Variants in IRF4 observed in about 807,000 individuals in gnomAD.
IRF4 encodes the protein interferon regulatory factor 4.
IRF4 carries 13 observed loss-of-function variants against 55.5 expected under a neutral mutation model. That is an observed-to-expected ratio of 0.23 (90% CI 0.15 to 0.37). The LOEUF (loss-of-function observed/expected upper bound fraction) is 0.37. IRF4 is among the 10% of genes least tolerant of loss of function. The probability of loss-of-function intolerance (pLI) is 1.00; values close to 1 mark genes in which losing one functional copy is unlikely to be tolerated. For synonymous variants in IRF4, 249 were observed against 240.7 expected, an observed-to-expected ratio of 1.03 and a Z score of -0.32; for missense variants, 397 against 593.8, an observed-to-expected ratio of 0.67 and a Z score of 3.44.
chr6:406,759 A>C, intron 8 of IRF4: 4 of 1,177,076 alleles, frequency 3.4e-6, no homozygotes, highest in Non-Finnish European at 4.4e-6. Context: ...AATTTAATTC[A>C]TTTCAGGTAC....
chr6:407,277 T>C (rs1373630668), intron 8 of IRF4, among the ~76,000 whole-genome samples, 178 bp from the exon 9 acceptor site: 1 of 152,224 alleles, frequency 6.6e-6, no homozygotes, highest in East Asian at 1.9e-4. Context: ...TGTTGATCTA[T>C]GGAAGGACTA....
chr6:407,629 C>CCTT lies in IRF4; in HGVS notation c.*31_*32insCTT. 3 of 1,284,762 alleles carry CCTT rather than the reference C, an allele frequency of 2.3e-6. No homozygotes were observed. Among genetic ancestry groups the CCTT allele is most frequent in the Admixed American group, 2.6e-5 (1 of 38,060 alleles). 79.6% of individuals were successfully genotyped at this position (1,284,762 alleles called of 1,614,324 possible). A position where few individuals can be genotyped will look rare whatever the true frequency, so the allele number is the denominator to read the frequency against. On this transcript the variant is annotated 3_prime_UTR_variant, in exon 9 of 9. Coordinates refer to ENST00000380956, the MANE Select transcript of IRF4 (RefSeq NM_002460.4). ...GTCAAGATGAGTGGTTTTCTTTTTC[C>CCTT]TTTTTTTTTTTTTTTTTTTGATACG... is the stretch of plus-strand genomic sequence containing the variant.
At chr6:401,392 C>T (rs564409022) in intron 6 of IRF4, 32 bp from the exon 7 acceptor site, 2 of 1,565,374 alleles carry the variant, frequency 1.3e-6, no homozygotes, top group South Asian at 1.1e-5. Context: ...TCCTTGGCCC[C>T]CAGCACTGAC....
rs915381521 is a variant in IRF4 at position 401,344 on chromosome 6, G to A, written c.746-80G>A. ...GTGGGACACTAGAGTTCCACCACAG[G>A]TGCTTGGCTCTGTGGAGTCGTTGGC... On this transcript the variant is annotated intron_variant, in intron 6 of 8. Coordinates refer to ENST00000380956, the MANE Select transcript of IRF4 (RefSeq NM_002460.4). The A allele has an allele frequency of 1.3e-5, 14 of 1,057,826 alleles. No individual in the cohort carries two copies. The African/African-American group carries it at 2.2e-4, about 17-fold the overall frequency. 65.5% of individuals were successfully genotyped at this position (1,057,826 alleles called of 1,614,324 possible). A position where few individuals can be genotyped will look rare whatever the true frequency, so the allele number is the denominator to read the frequency against.
intron 2 of IRF4, among the ~76,000 whole-genome samples, chr6:394,216 T>C (rs1383354244): frequency 6.6e-6 from 1 of 152,148 alleles, no homozygotes; most frequent in Non-Finnish European, 1.5e-5. Context: ...ACCACAGCTG[T>C]CCTTAGTCCT....
At chr6:405,756 T>C (rs186194174) in intron 8 of IRF4, among the ~76,000 whole-genome samples, 20 of 152,328 alleles carry the variant, frequency 1.3e-4, no homozygotes, top group Non-Finnish European at 2.6e-4. Context: ...CAAGTAACAC[T>C]AAAAGGGTAG....
In IRF4 at chr6:410,626, C is replaced by T. The variant is rs751054240; in HGVS notation, c.*3028C>T. On this transcript the variant is annotated 3_prime_UTR_variant, in exon 9 of 9. Coordinates refer to ENST00000380956, the MANE Select transcript of IRF4 (RefSeq NM_002460.4). The stretch of plus-strand genomic sequence containing the variant: ...AACAACTCTGGGAGTCTTGGGTACT[C>T]GCACCTCTTGGCTTTGTTGATGCTC... The T allele has an allele frequency of 6.5e-4, 150 of 231,004 alleles. No individual in the cohort carries two copies. The highest frequency in any genetic ancestry group is 1.3e-3 in the Middle Eastern group (1 of 798). 14.3% of individuals were successfully genotyped at this position (231,004 alleles called of 1,614,324 possible).
chr6:400,271 T>C (rs1761363765), intron 6 of IRF4, among the ~76,000 whole-genome samples: 1 of 152,202 alleles, frequency 6.6e-6, no homozygotes, highest in African/African-American at 2.4e-5. Context: ...GTGATTCCCA[T>C]TGATTTTGGG....
chr6:397,547 A>G (rs1180850592), intron 5 of IRF4: 3 of 328,196 alleles, frequency 9.1e-6, no homozygotes, highest in Non-Finnish European at 1.7e-5. Context: ...TAGAGAGGAG[A>G]TTGTGGAAGC....
intron 4 of IRF4, among the ~76,000 whole-genome samples, chr6:396,477 G>A (rs1761261629): frequency 6.6e-6 from 1 of 152,256 alleles, no homozygotes; most frequent in Admixed American, 6.5e-5. Flanking sequence ...ATGATAAAAT[G>A]CTTCGGCTGT....
Position 393,018 on chromosome 6 carries a change from T to C in IRF4, c.-55-80T>C. 1 of 788,322 alleles carries C rather than the reference T, an allele frequency of 1.3e-6. No individual in the cohort carries two copies. 48.8% of individuals were successfully genotyped at this position (788,322 alleles called of 1,614,324 possible). Reference sequence around the variant, plus strand: ...CAGCCTCAAAGACTCCGGGGCCTCGTGGTCACTGGCGCAGGGGATCGGGGC... The same window carrying C: ...CAGCCTCAAAGACTCCGGGGCCTCGCGGTCACTGGCGCAGGGGATCGGGGC... On this transcript the variant is annotated intron_variant, in intron 1 of 8. Coordinates refer to ENST00000380956, the MANE Select transcript of IRF4 (RefSeq NM_002460.4). This position sits in a 1 kb window ranked among gnomAD's most constrained non-coding sequence, Gnocchi z 5.4.
At position 410,407 on chromosome 6, in the gene IRF4, C is replaced by T. The variant is rs912239359; in HGVS notation, c.*2809C>T. On this transcript the variant is annotated 3_prime_UTR_variant, in exon 9 of 9. Coordinates refer to ENST00000380956, the MANE Select transcript of IRF4 (RefSeq NM_002460.4). ...CCTGAGCGAAAACAGGAGAGTTAGTCGCCCTACAGAAAACCCAGCTAGACT... is the reference window on the plus strand; with the variant it reads ...CCTGAGCGAAAACAGGAGAGTTAGTTGCCCTACAGAAAACCCAGCTAGACT... 3.4e-4 allele frequency: 79 copies of T among 229,596 alleles called. 1 individual carries two copies. The highest frequency in any genetic ancestry group is 1.7e-3 in the African/African-American group (77 of 45,242). The allele number at this position is 229,596 out of a possible 1,614,324, so 14.2% of individuals were successfully genotyped here.
At chr6:394,028 G>A (rs776073209) in intron 2 of IRF4, among the ~76,000 whole-genome samples, 1 of 152,168 alleles carries the variant, frequency 6.6e-6, no homozygotes, top group Non-Finnish European at 1.5e-5. Flanking sequence ...CACGTGTGTC[G>A]TTGTTACGAT....
Position 395,872 on chromosome 6 carries a change from C to T in IRF4, c.429C>T (p.Asp143=). The change falls in exon 4 of 9, where the codon GAC becomes GAT. Residue 143 remains aspartate (D), a synonymous_variant. Coordinates refer to ENST00000380956, the MANE Select transcript of IRF4 (RefSeq NM_002460.4). ...KKGAKQLTLE[D]PQMSMSHPYT... ...GAGCCAAGCAGCTCACCCTGGAGGA[C>T]CCGCAGATGTCCATGAGCCACCCCT... 1 of 1,613,856 alleles carries T rather than the reference C, an allele frequency of 6.2e-7. No individual in the cohort carries two copies. Among genetic ancestry groups the T allele is most frequent in the Non-Finnish European group, 8.5e-7 (1 of 1,179,866 alleles).
At position 393,439 on chromosome 6, in the gene IRF4, C is replaced by T; in HGVS notation, c.216+71C>T. 4 of 1,157,590 alleles carry T rather than the reference C, an allele frequency of 3.5e-6. No homozygotes were observed. The allele number at this position is 1,157,590 out of a possible 1,614,324, so 71.7% of individuals were successfully genotyped here. ...GAGACAGAGCCCGGGGTCCCCGGCG[C>T]CGCCTCCGAGGCGAGCCCAGGGGAC... is the stretch of plus-strand genomic sequence containing the variant. On this transcript the variant is annotated intron_variant, in intron 2 of 8. Coordinates refer to ENST00000380956, the MANE Select transcript of IRF4 (RefSeq NM_002460.4). The surrounding 1 kb of genome is among the most constrained non-coding windows in gnomAD (Gnocchi z 5.4).
Position 401,782 on chromosome 6 carries a change from G to A in IRF4, c.1099+5G>A, listed in dbSNP as rs1387268867. 1 of 1,613,242 alleles carries A rather than the reference G, an allele frequency of 6.2e-7. No homozygotes were observed. The highest frequency in any genetic ancestry group is 1.3e-5 in the African/African-American group (1 of 74,916). ...ACACACAGCAGTTCTTGTCAGGTAAGGCACCTCGTTATCTGTTAGAATGGA... is the reference window on the plus strand; with the variant it reads ...ACACACAGCAGTTCTTGTCAGGTAAAGCACCTCGTTATCTGTTAGAATGGA... On this transcript the variant is annotated splice_donor_5th_base_variant and intron_variant, in intron 7 of 8. Coordinates refer to ENST00000380956, the MANE Select transcript of IRF4 (RefSeq NM_002460.4).
rs753781892 is a variant in IRF4 at position 393,284 on chromosome 6, CGAG to C, written c.136_138del (p.Glu46del). On this transcript the variant is annotated inframe_deletion, in exon 2 of 9. Transcript: ENST00000380956. This position sits in a 1 kb window ranked among gnomAD's most constrained non-coding sequence, Gnocchi z 5.4. ...AGTACCCCGGGCTGGTGTGGGAGAA[CGAG>C]GAGAAGAGCATCTTCCGCATCCCCT... 3.1e-6 allele frequency: 5 copies of C among 1,606,040 alleles called. No homozygotes were observed. The highest frequency in any genetic ancestry group is 1.1e-5 in the South Asian group (1 of 89,148).
chr6:395,376 A>G lies in IRF4; in HGVS notation c.403+369A>G, dbSNP rs142119558. Among the ~76,000 whole-genome samples the G allele has an allele frequency of 4.2e-3, 636 of 152,340 alleles. 4 individuals carry two copies. Among genetic ancestry groups the G allele is most frequent in the African/African-American group, 0.015 (607 of 41,580 alleles). On this transcript the variant is annotated intron_variant, in intron 3 of 8. Transcript: ENST00000380956. ...ACTATTTTGCAGAAAAGGAGTAATG[A>G]GAGGAATATCTCATCACTATGCATG...
At chr6:398,016 T>C (rs1761310487) in intron 5 of IRF4, among the ~76,000 whole-genome samples, 2 of 152,238 alleles carry the variant, frequency 1.3e-5, no homozygotes, top group South Asian at 4.1e-4. Context: ...CTGCAGGTAG[T>C]GAAGAGGTGT....
Sources: allele counts gnomAD v4.1 joint callset (sites outside exome capture counted in the v4.1 genomes callset), GRCh38; gene constraint gnomAD v4.1.1; non-coding constraint Gnocchi (gnomAD v3.1); transcripts MANE v1.5; gene names NCBI Gene and HGNC (gene_info 2026-07-23, HGNC 2026-07-21).